The following CLEC16A variants were observed in gnomAD, a reference collection of about 807,000 sequenced individuals.
CLEC16A encodes the protein protein CLEC16A.
CLEC16A carries 51 observed loss-of-function variants against 109.5 expected under a neutral mutation model. That is an observed-to-expected ratio of 0.47 (90% confidence interval 0.37 to 0.59). The LOEUF is 0.59. Among genes scored for constraint, CLEC16A ranks in the 20% least tolerant of loss-of-function variants. The pLI, the probability that CLEC16A is intolerant of heterozygous loss-of-function variation, is 0.00. For missense variants in CLEC16A, 1,339 were observed against 1,394.0 expected, an observed-to-expected ratio of 0.96 and a Z score of 0.63; for synonymous variants, 673 against 564.2, an observed-to-expected ratio of 1.19 and a Z score of -2.73.
intron 10 of CLEC16A, among the ~76,000 whole-genome samples, chr16:10,996,955 T>C (rs1307381907): frequency 6.6e-6 from 1 of 152,192 alleles, no homozygotes; most frequent in Non-Finnish European, 1.5e-5. Context: ...GTAAACTTTT[T>C]GGTGTTTTTT....
At chr16:11,094,981 G>A (rs914295229) in intron 19 of CLEC16A, among the ~76,000 whole-genome samples, 27 of 152,166 alleles carry the variant, frequency 1.8e-4, no homozygotes, top group African/African-American at 6.5e-4. Flanking sequence ...TACCTGTGAT[G>A]CGTTTGAAGT....
At chr16:10,979,455 C>T in intron 9 of CLEC16A, 73 bp downstream of exon 9, 2 of 1,357,044 alleles carry the variant, frequency 1.5e-6, no homozygotes, top group Non-Finnish European at 2.1e-6. Context: ...TGAAGAAAAT[C>T]CCCAGGCCTT....
In CLEC16A at chr16:11,179,319, A is replaced by T. The variant is rs1037484421; in HGVS notation, c.*629A>T. On this transcript the variant is annotated 3_prime_UTR_variant, in exon 24 of 24. Transcript: ENST00000409790. ...CAGAGTTCTTAGTGTGGCTTTTTCCATTTATTTAAGTGATTCTTTGTTACT... is the reference window on the plus strand; with the variant it reads ...CAGAGTTCTTAGTGTGGCTTTTTCCTTTTATTTAAGTGATTCTTTGTTACT... 1.3e-5 allele frequency: 2 copies of T among 152,108 alleles called. No individual in the cohort carries two copies. The allele number at this position is 152,108 out of a possible 1,614,324, so 9.4% of individuals were successfully genotyped here.
chr16:11,004,083 G>A (rs892308440), intron 11 of CLEC16A, among the ~76,000 whole-genome samples: 1 of 152,082 alleles, frequency 6.6e-6, no homozygotes, highest in Non-Finnish European at 1.5e-5. Flanking sequence ...AGAATGAGGT[G>A]CACTCGTGTG....
At chr16:11,062,739 C>G (rs2048550616) in intron 19 of CLEC16A, among the ~76,000 whole-genome samples, 1 of 152,188 alleles carries the variant, frequency 6.6e-6, no homozygotes, top group Non-Finnish European at 1.5e-5. Flanking sequence ...GCTGTGACGC[C>G]TCTCTGCCTG....
chr16:10,968,367 G>T (rs1409179368), intron 3 of CLEC16A, among the ~76,000 whole-genome samples: 2 of 152,230 alleles, frequency 1.3e-5, no homozygotes, highest in African/African-American at 4.8e-5. Context: ...TCTCTTCACT[G>T]TTGAAAGCCC....
intron 11 of CLEC16A, among the ~76,000 whole-genome samples, chr16:11,004,645 T>C (rs2044880723): frequency 6.6e-6 from 1 of 152,178 alleles, no homozygotes; most frequent in East Asian, 1.9e-4. Flanking sequence ...TGCCTGAGAT[T>C]CTGCAGCCAA....
intron 19 of CLEC16A, among the ~76,000 whole-genome samples, chr16:11,110,487 C>A (rs2051511595): frequency 6.6e-6 from 1 of 152,132 alleles, no homozygotes; most frequent in Non-Finnish European, 1.5e-5. Flanking sequence ...TTCTGAAAAA[C>A]AACCGAAAAC....
At position 10,963,668 on chromosome 16, in the gene CLEC16A, A is replaced by T. The variant is rs952681764; in HGVS notation, c.343+1080A>T. On this transcript the variant is annotated intron_variant, in intron 3 of 23. Coordinates refer to ENST00000409790, the MANE Select transcript of CLEC16A (RefSeq NM_015226.3). The stretch of plus-strand genomic sequence containing the variant: ...GCCCTCACTAAGCCTCAGTTTCGTC[A>T]TCCGTAATAACCACCCCTGAGAGGC... Among the ~76,000 whole-genome samples, 3 of 152,132 alleles carry T rather than the reference A, an allele frequency of 2.0e-5. No homozygotes were observed. In the East Asian group the frequency reaches 5.8e-4, roughly 29 times the overall value.
intron 10 of CLEC16A, among the ~76,000 whole-genome samples, chr16:10,986,480 A>G (rs527617931): frequency 1.2e-4 from 18 of 152,302 alleles, no homozygotes; most frequent in African/African-American, 3.8e-4. Context: ...CAGAAGTACA[A>G]TGTGCTATCC....
chr16:11,141,043 C>G (rs76035101), intron 22 of CLEC16A, among the ~76,000 whole-genome samples: 1,987 of 152,358 alleles, frequency 0.013, 51 homozygotes, highest in African/African-American at 0.045. Context: ...AGGGCTCAGA[C>G]GGATAGAGCT....
chr16:11,142,393 A>G (rs1441743237), intron 22 of CLEC16A, among the ~76,000 whole-genome samples: 3 of 152,254 alleles, frequency 2.0e-5, no homozygotes, highest in Non-Finnish European at 4.4e-5. Flanking sequence ...GCTGTGATCA[A>G]GCAGGCCTGG....
intron 1 of CLEC16A, among the ~76,000 whole-genome samples, chr16:10,955,160 C>T (rs994170920): frequency 3.3e-5 from 5 of 152,222 alleles, no homozygotes; most frequent in Admixed American, 1.3e-4. Flanking sequence ...TGCCAGACTC[C>T]GAAGCCTGAC....
intron 19 of CLEC16A, among the ~76,000 whole-genome samples, chr16:11,113,556 G>A (rs946402116): frequency 6.6e-6 from 1 of 152,122 alleles, no homozygotes; most frequent in Non-Finnish European, 1.5e-5. Context: ...TAACTTGGGA[G>A]CCTGAGGTGA....
At chr16:11,173,120 C>G (rs569913110) in intron 23 of CLEC16A, among the ~76,000 whole-genome samples, 1 of 152,248 alleles carries the variant, frequency 6.6e-6, no homozygotes, top group Non-Finnish European at 1.5e-5. Flanking sequence ...TGACCTGAAA[C>G]CCACCCACAT....
chr16:11,151,251 C>A (rs529200121), intron 22 of CLEC16A, among the ~76,000 whole-genome samples: 1 of 152,358 alleles, frequency 6.6e-6, no homozygotes, highest in East Asian at 1.9e-4. Context: ...GTCTACATTT[C>A]CAATTATTCC....
intron 23 of CLEC16A, among the ~76,000 whole-genome samples, chr16:11,173,246 C>A (rs2068601007): frequency 2.0e-5 from 3 of 152,172 alleles, no homozygotes; most frequent in African/African-American, 7.2e-5. Flanking sequence ...ATTGTGGTAA[C>A]ATACGGGTAA....
chr16:11,088,019 C>A (rs1567300261), intron 19 of CLEC16A, among the ~76,000 whole-genome samples: 2 of 152,230 alleles, frequency 1.3e-5, no homozygotes, highest in South Asian at 2.1e-4. Flanking sequence ...AGAGCTCTTG[C>A]TACCTTCAGA....
At position 11,027,487 on chromosome 16, in the gene CLEC16A, G is replaced by A. The variant is rs142538715; in HGVS notation, c.1537+2566G>A. The A allele has an allele frequency of 4.0e-5, 63 of 1,584,090 alleles. 1 individual carries two copies. In the East Asian group the frequency reaches 5.6e-4, roughly 14 times the overall value. ...TCTGTCCGAGAACTCATTTTGAAACGTGGACAAGCCAAGGTCAAGAGTAAG... is the reference window on the plus strand; with the variant it reads ...TCTGTCCGAGAACTCATTTTGAAACATGGACAAGCCAAGGTCAAGAGTAAG... On this transcript the variant is annotated intron_variant, in intron 13 of 23. Coordinates refer to ENST00000409790, the MANE Select transcript of CLEC16A (RefSeq NM_015226.3).
Sources: gnomAD v4.1 joint callset for allele counts (sites outside exome capture counted in the v4.1 genomes callset) on GRCh38, gnomAD v4.1.1 for gene constraint, MANE v1.5 for transcripts, NCBI Gene and HGNC (gene_info 2026-07-23, HGNC 2026-07-21) for gene names.